RNF13: variants seen among roughly 807,000 people sequenced by gnomAD.
The protein encoded by RNF13 is ring finger protein 13.
RNF13 carries 19 observed loss-of-function variants against 37.7 expected under a neutral mutation model. The ratio of observed to expected loss-of-function variants is 0.50; its 90% confidence interval spans 0.35 to 0.74. The LOEUF is 0.74. Among genes scored for constraint, RNF13 ranks in the 30% least tolerant of loss-of-function variants. RNF13 has a pLI of 0.01. For synonymous variants in RNF13, 144 were observed against 157.8 expected, an observed-to-expected ratio of 0.91 and a Z score of 0.65; for missense variants, 375 against 453.0, an observed-to-expected ratio of 0.83 and a Z score of 1.56.
intron 4 of RNF13, among the ~76,000 whole-genome samples, chr3:149,886,399 C>T (rs565855468): frequency 6.6e-6 from 1 of 151,970 alleles, no homozygotes; most frequent in African/African-American, 2.4e-5. Context: ...TTGGATTGTT[C>T]ATTGCTAGTG....
intron 4 of RNF13, among the ~76,000 whole-genome samples, chr3:149,889,993 G>A (rs892379396): frequency 6.6e-6 from 1 of 152,114 alleles, no homozygotes; most frequent in African/African-American, 2.4e-5. Context: ...TTTGTCTTAA[G>A]TTCTAACCTG....
chr3:149,948,254 G>A (rs1182740948), intron 8 of RNF13, among the ~76,000 whole-genome samples: 2 of 152,032 alleles, frequency 1.3e-5, no homozygotes, highest in African/African-American at 2.4e-5. Context: ...TGGTCCCCAC[G>A]TGTTTTTAGA....
intron 2 of RNF13, among the ~76,000 whole-genome samples, chr3:149,850,325 G>A (rs1279026676): frequency 1.3e-5 from 2 of 152,224 alleles, no homozygotes; most frequent in East Asian, 3.9e-4. Flanking sequence ...AATTTTATGA[G>A]CATCGCTCCC....
At chr3:149,877,717 A>G (rs1322710545) in intron 4 of RNF13, among the ~76,000 whole-genome samples, 1 of 152,048 alleles carries the variant, frequency 6.6e-6, no homozygotes, top group Non-Finnish European at 1.5e-5. Context: ...AATTTTTCAT[A>G]ATGTATATAT....
At chr3:149,958,866 C>T (rs1289146535) in intron 8 of RNF13, among the ~76,000 whole-genome samples, 2 of 152,134 alleles carry the variant, frequency 1.3e-5, no homozygotes, top group African/African-American at 2.4e-5. Context: ...ACTATAGTAA[C>T]CAAATTCAAG....
intron 7 of RNF13, among the ~76,000 whole-genome samples, chr3:149,912,320 G>A (rs1717078261): frequency 6.6e-6 from 1 of 152,088 alleles, no homozygotes; most frequent in South Asian, 2.1e-4. Context: ...AGAGTATAAG[G>A]GAACTTTTGG....
At chr3:149,904,217 T>C (rs1386683703) in intron 6 of RNF13, among the ~76,000 whole-genome samples, 3 of 152,180 alleles carry the variant, frequency 2.0e-5, no homozygotes, top group Non-Finnish European at 4.4e-5. Context: ...TTTTCTATGC[T>C]GAAAGACACC....
intron 7 of RNF13, among the ~76,000 whole-genome samples, chr3:149,915,380 A>G (rs149933027): frequency 6.6e-6 from 1 of 152,334 alleles, no homozygotes; most frequent in African/African-American, 2.4e-5. Context: ...CCTTGACATC[A>G]AAACTAGACA....
At chr3:149,833,219 A>G (rs1459639042) in intron 1 of RNF13, among the ~76,000 whole-genome samples, 1 of 136,420 alleles carries the variant, frequency 7.3e-6, no homozygotes, top group African/African-American at 2.8e-5. Flanking sequence ...TCCCAGGTTT[A>G]AGAGATTCTC....
At chr3:149,880,228 A>G (rs1368920504) in intron 4 of RNF13, among the ~76,000 whole-genome samples, 7 of 152,180 alleles carry the variant, frequency 4.6e-5, no homozygotes, top group Non-Finnish European at 7.4e-5. Flanking sequence ...AAGTTATTCT[A>G]AAGCCTTTAT....
intron 1 of RNF13, among the ~76,000 whole-genome samples, chr3:149,840,816 A>G (rs959977210): frequency 7.2e-5 from 11 of 152,208 alleles, no homozygotes; most frequent in African/African-American, 2.7e-4. Flanking sequence ...GGAGCACAAC[A>G]TATCAACATA....
In RNF13 at chr3:149,825,739, T is replaced by C. The variant is rs548688533; in HGVS notation, c.-17+12386T>C. 5.4e-4 allele frequency among the ~76,000 whole-genome samples: 83 copies of C among 152,372 alleles called. 1 individual carries two copies. Among genetic ancestry groups the C allele is most frequent in the African/African-American group, 7.5e-4 (31 of 41,596 alleles). ...TGTCTCCCTCAGTGTTACTCTCTTA[T>C]AGTTTAATAATTCCTTTTCTCTAAA... On this transcript the variant is annotated intron_variant, in intron 1 of 9. Coordinates refer to ENST00000392894, the MANE Select transcript of RNF13 (RefSeq NM_183381.3).
At chr3:149,900,759 A>G (rs992205108) in intron 5 of RNF13, among the ~76,000 whole-genome samples, 13 of 152,146 alleles carry the variant, frequency 8.5e-5, no homozygotes, top group Non-Finnish European at 2.9e-5. Context: ...TAGTGATTAA[A>G]TATTTCTTGA....
rs1722487496 is a variant in RNF13, at chr3:149,962,006, A to G, written c.*902A>G. 6.6e-6 allele frequency: 1 copy of G among 152,666 alleles called. No individual in the cohort carries two copies. Among genetic ancestry groups the G allele is most frequent in the South Asian group, 2.1e-4 (1 of 4,836 alleles). 9.5% of individuals were successfully genotyped at this position (152,666 alleles called of 1,614,324 possible). ...TTGAAACACTGTATTATGAAAAGCT[A>G]AATTATACATCATTGTAACTATGTA... is the stretch of plus-strand genomic sequence containing the variant. On this transcript the variant is annotated 3_prime_UTR_variant, in exon 10 of 10. Transcript: ENST00000392894.
chr3:149,959,889 ATTAC>A, intron 8 of RNF13, 163 bp from the exon 9 acceptor site: 1 of 478,860 alleles, frequency 2.1e-6, no homozygotes, highest in East Asian at 3.4e-5. Context: ...TAAAATGTTA[ATTAC>A]TTAAATTGAA....
At chr3:149,924,039 AT>A (rs1718413864) in intron 8 of RNF13, among the ~76,000 whole-genome samples, 1 of 152,182 alleles carries the variant, frequency 6.6e-6, no homozygotes, top group Non-Finnish European at 1.5e-5. Flanking sequence ...TTGGGGTGAT[AT>A]CAGTGGAGGA....
At chr3:149,847,176 G>A (rs1722725375) in intron 2 of RNF13, among the ~76,000 whole-genome samples, 1 of 152,178 alleles carries the variant, frequency 6.6e-6, no homozygotes, top group Non-Finnish European at 1.5e-5. Flanking sequence ...TTTGACTTAT[G>A]AAACATTTTT....
chr3:149,895,382 T>C, intron 4 of RNF13, 91 bp from the exon 5 acceptor site: 1 of 745,594 alleles, frequency 1.3e-6, no homozygotes, highest in South Asian at 1.9e-5. Context: ...TCATCTTTTA[T>C]TTACTTCAGT....
At chr3:149,860,270 A>AAAT (rs1302318768) in intron 3 of RNF13, among the ~76,000 whole-genome samples, 190 of 104,074 alleles carry the variant, frequency 1.8e-3, no homozygotes, top group African/African-American at 6.3e-3. Context: ...AAAAAAAAAA[A>AAAT]ATATATATAT....
Sources: gnomAD v4.1 joint callset for allele counts (sites outside exome capture counted in the v4.1 genomes callset) on GRCh38, gnomAD v4.1.1 for gene constraint, MANE v1.5 for transcripts, NCBI Gene and HGNC (gene_info 2026-07-23, HGNC 2026-07-21) for gene names.